Variants in HMGB2 observed in about 807,000 individuals in gnomAD.
HMGB2 encodes high mobility group box 2, also known as high mobility group protein B2.
HMGB2 carries 2 observed loss-of-function variants against 23.0 expected under a neutral mutation model. The ratio of observed to expected loss-of-function variants is 0.09; its 90% confidence interval spans 0.04 to 0.27. The LOEUF is 0.27. Among genes scored for constraint, HMGB2 ranks in the 10% least tolerant of loss-of-function variants. The probability of loss-of-function intolerance (pLI) is 1.00; values close to 1 mark genes in which losing one functional copy is unlikely to be tolerated. For synonymous variants in HMGB2, 99 were observed against 87.5 expected (o/e 1.13, Z -0.73); for missense variants, 178 against 256.5 (o/e 0.69, Z 2.09).
At position 173,333,235 on chromosome 4, in the gene HMGB2, C is replaced by A. The variant is rs1225572641; in HGVS notation, c.151-21G>T. On this transcript the variant is annotated intron_variant, in intron 2 of 4. Coordinates refer to ENST00000296503, the MANE Select transcript of HMGB2 (RefSeq NM_002129.4). This position sits in a 1 kb window ranked among gnomAD's most constrained non-coding sequence, Gnocchi z 4.6. ...ATGGTCTGTGGACATAAAATAAGAG[C>A]CAAAAATACAGCAAAATTGTTACCT... 1.3e-6 allele frequency: 2 copies of A among 1,598,852 alleles called. No homozygotes were observed. The highest frequency in any genetic ancestry group is 1.8e-5 in the Admixed American group (1 of 55,798).
At position 173,333,007 on chromosome 4, in the gene HMGB2, C is replaced by T. The variant is rs1738146504; in HGVS notation, c.297-12G>A. Reference sequence around the variant, plus strand: ...GGAAGAAGGCAGATCTGAAAGGAAGCAACAGAGTTTAATAAACTGAAGGAA... The same window carrying T: ...GGAAGAAGGCAGATCTGAAAGGAAGTAACAGAGTTTAATAAACTGAAGGAA... On this transcript the variant is annotated splice_polypyrimidine_tract_variant and intron_variant, in intron 3 of 4. Coordinates refer to ENST00000296503, the MANE Select transcript of HMGB2 (RefSeq NM_002129.4). This position sits in a 1 kb window ranked among gnomAD's most constrained non-coding sequence, Gnocchi z 4.6. 6.2e-7 allele frequency: 1 copy of T among 1,613,392 alleles called. No individual in the cohort carries two copies. The highest frequency in any genetic ancestry group is 1.3e-5 in the African/African-American group (1 of 74,902).
chr4:173,333,795 C>A lies in HMGB2; in HGVS notation c.-20-126G>T. 2 of 623,772 alleles carry A rather than the reference C, an allele frequency of 3.2e-6. No individual in the cohort carries two copies. The highest frequency in any genetic ancestry group is 4.5e-5 in the Admixed American group (1 of 22,290). 38.6% of individuals were successfully genotyped at this position (623,772 alleles called of 1,614,324 possible). On this transcript the variant is annotated intron_variant, in intron 1 of 4. Coordinates refer to ENST00000296503, the MANE Select transcript of HMGB2 (RefSeq NM_002129.4). This position sits in a 1 kb window ranked among gnomAD's most constrained non-coding sequence, Gnocchi z 4.6. The stretch of plus-strand genomic sequence containing the variant: ...GCTCCCGCCCTGCCCGCGCCCCCCT[C>A]CTCCCGAGGGCGTCCTCCCAAGGGC...
Position 173,332,574 on chromosome 4 carries a change from A to C in HMGB2, c.471+247T>G, listed in dbSNP as rs553310856. On this transcript the variant is annotated intron_variant, in intron 4 of 4. Transcript: ENST00000296503. Reference sequence around the variant, plus strand: ...TGCTTAAAAAAAAAAATAACAGACTATACAGACTATACAATAACTACAAGT... The same window carrying C: ...TGCTTAAAAAAAAAAATAACAGACTCTACAGACTATACAATAACTACAAGT... 2.8e-5 allele frequency: 15 copies of C among 526,378 alleles called. No homozygotes were observed. The South Asian group carries it at 3.9e-4, about 14-fold the overall frequency. The allele number at this position is 526,378 out of a possible 1,614,324, so 32.6% of individuals were successfully genotyped here. A position where few individuals can be genotyped will look rare whatever the true frequency, so the allele number is the denominator to read the frequency against.
At position 173,333,749 on chromosome 4, in the gene HMGB2, C is replaced by T; in HGVS notation, c.-20-80G>A. ...GCTGCCAGGGCGGGCGCTGGCGGGG[C>T]TCCGCTTCCCGCCCAAATCCGCTCC... On this transcript the variant is annotated intron_variant, in intron 1 of 4. Coordinates refer to ENST00000296503, the MANE Select transcript of HMGB2 (RefSeq NM_002129.4). This position sits in a 1 kb window ranked among gnomAD's most constrained non-coding sequence, Gnocchi z 4.6. 1 of 1,157,698 alleles carries T rather than the reference C, an allele frequency of 8.6e-7. No individual in the cohort carries two copies. Among genetic ancestry groups the T allele is most frequent in the Non-Finnish European group, 1.2e-6 (1 of 843,750 alleles). The allele number at this position is 1,157,698 out of a possible 1,614,324, so 71.7% of individuals were successfully genotyped here. A position where few individuals can be genotyped will look rare whatever the true frequency, so the allele number is the denominator to read the frequency against.
At position 173,331,940 on chromosome 4, in the gene HMGB2, A is replaced by G. The variant is rs553138117; in HGVS notation, c.*140T>C. ...TTTTTTAAAAGTATTTTCTCTACAGAGAATCTTATCAGCTATACAAAAATC... is the reference window on the plus strand; with the variant it reads ...TTTTTTAAAAGTATTTTCTCTACAGGGAATCTTATCAGCTATACAAAAATC... On this transcript the variant is annotated 3_prime_UTR_variant, in exon 5 of 5. Transcript: ENST00000296503. The G allele has an allele frequency of 4.9e-6, 6 of 1,225,908 alleles. No individual in the cohort carries two copies. The African/African-American group carries it at 9.4e-5, about 19-fold the overall frequency. 75.9% of individuals were successfully genotyped at this position (1,225,908 alleles called of 1,614,324 possible).
In HMGB2 at chr4:173,331,834, A is replaced by C; in HGVS notation, c.*246T>G. ...CCATACACAAGAAATTAAAAAAACC[A>C]TTAAATATTTAGGAACATTCAACAT... On this transcript the variant is annotated 3_prime_UTR_variant, in exon 5 of 5. Transcript: ENST00000296503. 3 of 420,746 alleles carry C rather than the reference A, an allele frequency of 7.1e-6. No individual in the cohort carries two copies. The highest frequency in any genetic ancestry group is 1.3e-5 in the Non-Finnish European group (3 of 238,678). The allele number at this position is 420,746 out of a possible 1,614,324, so 26.1% of individuals were successfully genotyped here.
In HMGB2 at chr4:173,332,827, A is replaced by G. The variant is rs1294325229; in HGVS notation, c.465T>C (p.Tyr155=). Reference sequence around the variant, plus strand: ...AAAAAAGATGACACTGTACCTTTTCATATTTCTCCTTTAGCTTAGCTGCTT... The same window carrying G: ...AAAAAAGATGACACTGTACCTTTTCGTATTTCTCCTTTAGCTTAGCTGCTT... The part of the protein sequence containing the change: ...EQKAAKLKEK[Y]EKDIAAYRAK... Residue 155 remains tyrosine, a synonymous_variant, in exon 4 of 5, where the codon TAT becomes TAC. Transcript: ENST00000296503. 3.1e-6 allele frequency: 5 copies of G among 1,613,722 alleles called. No individual in the cohort carries two copies. The African/African-American group carries it at 4.0e-5, about 13-fold the overall frequency.
Position 173,333,294 on chromosome 4 carries a change from G to A in HMGB2, c.151-80C>T. ...CCAAAGACGACAAGATCATCTTTAA[G>A]GACCACATTTTCCTTAACAGCATTT... On this transcript the variant is annotated intron_variant, in intron 2 of 4. Coordinates refer to ENST00000296503, the MANE Select transcript of HMGB2 (RefSeq NM_002129.4). The surrounding 1 kb of genome is among the most constrained non-coding windows in gnomAD (Gnocchi z 4.6). 1.3e-6 allele frequency: 2 copies of A among 1,492,286 alleles called. No individual in the cohort carries two copies. The highest frequency in any genetic ancestry group is 1.8e-6 in the Non-Finnish European group (2 of 1,102,094). The allele number at this position is 1,492,286 out of a possible 1,614,324, so 92.4% of individuals were successfully genotyped here. A position where few individuals can be genotyped will look rare whatever the true frequency, so the allele number is the denominator to read the frequency against.
Position 173,333,722 on chromosome 4 carries a change from C to T in HMGB2, c.-20-53G>A. 1 of 1,419,850 alleles carries T rather than the reference C, an allele frequency of 7.0e-7. No homozygotes were observed. The highest frequency in any genetic ancestry group is 9.5e-7 in the Non-Finnish European group (1 of 1,054,696). 88.0% of individuals were successfully genotyped at this position (1,419,850 alleles called of 1,614,324 possible). ...AGCCGGAGGGTCGGCGCGGAGCCCG[C>T]AGCTGCCAGGGCGGGCGCTGGCGGG... On this transcript the variant is annotated intron_variant, in intron 1 of 4. Transcript: ENST00000296503. The surrounding 1 kb of genome is among the most constrained non-coding windows in gnomAD (Gnocchi z 4.6).
intron 4 of HMGB2, 63 bp from the exon 5 acceptor site, chr4:173,332,301 G>A: frequency 1.6e-6 from 2 of 1,249,194 alleles, no homozygotes; most frequent in Non-Finnish European, 2.2e-6. Flanking sequence ...AAACCACTTA[G>A]TTGTAAACAA....
chr4:173,334,034 C>T (rs1313815382), intron 1 of HMGB2: 1 of 154,614 alleles, frequency 6.5e-6, no homozygotes, highest in Non-Finnish European at 1.4e-5. Flanking sequence ...CTCACTTAAC[C>T]GCTAAGCACC....
chr4:173,333,874 T>G lies in HMGB2; in HGVS notation c.-20-205A>C, dbSNP rs1219802406. The stretch of plus-strand genomic sequence containing the variant: ...GCGCACACCCTCCTCCTCCTCCTCC[T>G]CCCGGCCCGAGCGGCCGCGGCTCAG... On this transcript the variant is annotated intron_variant, in intron 1 of 4. Transcript: ENST00000296503. This position sits in a 1 kb window ranked among gnomAD's most constrained non-coding sequence, Gnocchi z 4.6. Among the ~76,000 whole-genome samples, 1 of 146,204 alleles carries G rather than the reference T, an allele frequency of 6.8e-6. No homozygotes were observed. The highest frequency in any genetic ancestry group is 2.1e-4 in the East Asian group (1 of 4,808).
At position 173,333,522 on chromosome 4, in the gene HMGB2, T is replaced by C; in HGVS notation, c.128A>G (p.Lys43Arg). 3.1e-6 allele frequency: 5 copies of C among 1,614,052 alleles called. No individual in the cohort carries two copies. The highest frequency in any genetic ancestry group is 2.2e-5 in the East Asian group (1 of 44,880). ...DSSVNFAEFSKKCSERWKTMS... is the reference protein window; with the variant it reads ...DSSVNFAEFSRKCSERWKTMS... ...CACCTTCCATCTCTCCGAACACTTC[T>C]TGGAGAATTCCGCGAAATTGACGGA... Residue 43 changes from lysine to arginine, a missense_variant, in exon 2 of 5, where the codon AAG (lysine) becomes AGG (arginine). Transcript: ENST00000296503. This position sits in a 1 kb window ranked among gnomAD's most constrained non-coding sequence, Gnocchi z 4.6.
chr4:173,332,249 G>A lies in HMGB2; in HGVS notation c.472-11C>T, dbSNP rs769395199. ...ATATGCAGCAATATCCTGAAATATT[G>A]TCAAAAAAATAAAGCATCCGGTATC... On this transcript the variant is annotated splice_polypyrimidine_tract_variant and intron_variant, in intron 4 of 4. Transcript: ENST00000296503. The A allele has an allele frequency of 3.7e-5, 57 of 1,547,504 alleles. No individual in the cohort carries two copies. In the South Asian group the frequency reaches 6.3e-4, roughly 17 times the overall value.
chr4:173,332,095 A>G lies in HMGB2; in HGVS notation c.615T>C (p.Asp205=), dbSNP rs1249373130. 6.2e-7 allele frequency: 1 copy of G among 1,612,628 alleles called. No individual in the cohort carries two copies. The highest frequency in any genetic ancestry group is 1.3e-5 in the African/African-American group (1 of 74,964). Residue 205 remains aspartate (D), a synonymous_variant, in exon 5 of 5, where the codon GAT becomes GAC. Coordinates refer to ENST00000296503, the MANE Select transcript of HMGB2 (RefSeq NM_002129.4). ...GGATAGCCATTTATTCTTCATCTTC[A>G]TCCTCTTCCTCCTCATCTTCATCTT... The part of the protein sequence containing the change: ...EEEDEDEEEE[D]EDEE
At chr4:173,332,489 A>G in intron 4 of HMGB2, 1 of 514,272 alleles carries the variant, frequency 1.9e-6, no homozygotes, top group Non-Finnish European at 3.4e-6. Flanking sequence ...ACAGTGCCAT[A>G]GTCCCTCCTG....
chr4:173,333,258 C>T lies in HMGB2; in HGVS notation c.151-44G>A, dbSNP rs1479285548. On this transcript the variant is annotated intron_variant, in intron 2 of 4. Coordinates refer to ENST00000296503, the MANE Select transcript of HMGB2 (RefSeq NM_002129.4). This position sits in a 1 kb window ranked among gnomAD's most constrained non-coding sequence, Gnocchi z 4.6. The stretch of plus-strand genomic sequence containing the variant: ...AGCCAAAAATACAGCAAAATTGTTA[C>T]CTATAAACATCCAAAGACGACAAGA... 6.3e-7 allele frequency: 1 copy of T among 1,579,612 alleles called. No homozygotes were observed.
chr4:173,332,937 C>T lies in HMGB2; in HGVS notation c.355G>A (p.Gly119Ser). Residue 119 changes from glycine (G) to serine (S), a missense_variant, in exon 4 of 5, where the codon GGC becomes AGC. By Grantham distance (56) the Gly-to-Ser change is moderately conservative (BLOSUM62 0). Transcript: ENST00000296503. ...TTTGCAGTATCCCCAATGGATAGGC[C>T]AGGGTGTTCACTTTTGATCTTTGGG... ...HRPKIKSEHP[G>S]LSIGDTAKKL... 2 of 1,614,164 alleles carry T rather than the reference C, an allele frequency of 1.2e-6. No homozygotes were observed. The highest frequency in any genetic ancestry group is 2.2e-5 in the South Asian group (2 of 91,076).
At chr4:173,332,603 T>C (rs1738131340) in intron 4 of HMGB2, 5 of 540,644 alleles carry the variant, frequency 9.2e-6, no homozygotes, top group East Asian at 3.0e-5. Flanking sequence ...TACAAGTAAC[T>C]ACAAGTCTGT....
Sources: gnomAD v4.1 joint callset for allele counts (sites outside exome capture counted in the v4.1 genomes callset) on GRCh38, gnomAD v4.1.1 for gene constraint, Gnocchi (gnomAD v3.1) non-coding constraint, MANE v1.5 for transcripts, NCBI Gene and HGNC (gene_info 2026-07-23, HGNC 2026-07-21) for gene names.